The following IKBKB variants were observed in gnomAD, a reference collection of about 807,000 sequenced individuals.
The protein encoded by IKBKB is inhibitor of nuclear factor kappa B kinase subunit beta, also known as inhibitor of nuclear factor kappa-B kinase subunit beta.
Under a neutral mutation model 113.6 loss-of-function variants are expected in IKBKB, and 42 were observed. The ratio of observed to expected loss-of-function variants is 0.37; its 90% CI spans 0.29 to 0.48. The LOEUF (loss-of-function observed/expected upper bound fraction) is 0.48, where lower values mean the gene tolerates loss of function less well. Among genes scored for constraint, IKBKB ranks in the 20% least tolerant of loss-of-function variants. IKBKB has a pLI of 0.99. For missense variants in IKBKB, 673 were observed against 939.7 expected (o/e 0.72, Z 3.71); for synonymous variants, 296 against 361.3 (o/e 0.82, Z 2.05).
intron 16 of IKBKB, 58 bp from the exon 17 acceptor site, chr8:42,321,838 T>C: frequency 7.7e-7 from 1 of 1,301,894 alleles, no homozygotes; most frequent in Non-Finnish European, 1.1e-6. Context: ...ACCAAAAAAA[T>C]GTAAAAATTA....
At chr8:42,295,837 ATTC>A (rs2130389561) in intron 5 of IKBKB, among the ~76,000 whole-genome samples, 1 of 152,244 alleles carries the variant, frequency 6.6e-6, no homozygotes, top group African/African-American at 2.4e-5. Context: ...CTGGTTACGT[ATTC>A]TTTTGGTCTG....
intron 5 of IKBKB, among the ~76,000 whole-genome samples, chr8:42,296,614 A>G (rs903220388): frequency 6.6e-6 from 1 of 151,696 alleles, no homozygotes; most frequent in African/African-American, 2.4e-5. Flanking sequence ...GCACCATTGC[A>G]CTCCAGCCTG....
chr8:42,282,407 A>G (rs894744504), intron 2 of IKBKB, among the ~76,000 whole-genome samples: 8 of 152,320 alleles, frequency 5.3e-5, no homozygotes, highest in South Asian at 2.1e-4. Context: ...GAGTCTTGCC[A>G]TATTGCCCAG....
intron 15 of IKBKB, 143 bp downstream of exon 15, chr8:42,319,789 C>A: frequency 1.4e-6 from 1 of 712,926 alleles, no homozygotes; most frequent in Non-Finnish European, 2.3e-6. Flanking sequence ...ACTGGACCAG[C>A]TGAAAAGAGG....
In IKBKB at chr8:42,316,211, G is replaced by T; in HGVS notation, c.802G>T (p.Val268Phe). The change falls in exon 10 of 22, where the codon GTC becomes TTC. Residue 268 changes from valine (V) to phenylalanine (F), a missense_variant and splice_region_variant. Transcript: ENST00000520810. This position sits in a 1 kb window ranked among gnomAD's most constrained non-coding sequence, Gnocchi z 4.5. ...CACACACTATGCTCCTCTCCACAGTGTCCTGGCTGAGCGACTGGAGAAGTG... is the reference window on the plus strand; with the variant it reads ...CACACACTATGCTCCTCTCCACAGTTTCCTGGCTGAGCGACTGGAGAAGTG... Reference protein sequence around the residue: ...SLPYPNNLNSVLAERLEKWLQ... With the variant: ...SLPYPNNLNSFLAERLEKWLQ... 1 of 1,614,058 alleles carries T rather than the reference G, an allele frequency of 6.2e-7. No homozygotes were observed. Among genetic ancestry groups the T allele is most frequent in the Non-Finnish European group, 8.5e-7 (1 of 1,179,982 alleles).
intron 6 of IKBKB, among the ~76,000 whole-genome samples, chr8:42,305,772 C>T (rs1194088527): frequency 1.3e-5 from 2 of 152,192 alleles, no homozygotes; most frequent in Middle Eastern, 3.2e-3. Context: ...GTTGACTGCC[C>T]CACAAGCTTG....
At chr8:42,284,368 G>A (rs1163455725) in intron 2 of IKBKB, among the ~76,000 whole-genome samples, 2 of 152,084 alleles carry the variant, frequency 1.3e-5, no homozygotes, top group Non-Finnish European at 2.9e-5. Context: ...GGATCACGAG[G>A]TCAGGAGATG....
At chr8:42,325,634 G>T in intron 19 of IKBKB, 1 of 1,032,426 alleles carries the variant, frequency 9.7e-7, no homozygotes. Flanking sequence ...AGCCAAGATC[G>T]CACATCGCAC....
At chr8:42,308,020 C>A (rs796743694) in intron 7 of IKBKB, among the ~76,000 whole-genome samples, 10 of 152,338 alleles carry the variant, frequency 6.6e-5, no homozygotes, top group African/African-American at 2.4e-4. Flanking sequence ...GTCACCCCAG[C>A]GCTCTCTGCC....
chr8:42,315,259 T>C (rs1319373382), intron 9 of IKBKB, among the ~76,000 whole-genome samples: 1 of 152,154 alleles, frequency 6.6e-6, no homozygotes, highest in Non-Finnish European at 1.5e-5. Flanking sequence ...CATAATTGAG[T>C]GACATGGATA....
At chr8:42,325,852 G>T in intron 19 of IKBKB, 118 bp from the exon 20 acceptor site, 1 of 1,533,276 alleles carries the variant, frequency 6.5e-7, no homozygotes, top group East Asian at 2.3e-5. Context: ...CTGGTAGGCT[G>T]TAGGGTTAGC....
At chr8:42,312,295 G>GCTTTT (rs1817865054) in intron 8 of IKBKB, among the ~76,000 whole-genome samples, 1 of 152,208 alleles carries the variant, frequency 6.6e-6, no homozygotes, top group African/African-American at 2.4e-5. Context: ...AAGAACAGGT[G>GCTTTT]CTTTTTGAAA....
intron 8 of IKBKB, chr8:42,309,520 C>T (rs539292902): frequency 5.5e-5 from 22 of 401,940 alleles, no homozygotes; most frequent in Non-Finnish European, 8.4e-5. Flanking sequence ...TTTGGGAGGC[C>T]GAGGCAGGTG....
rs1818641557 is a variant in IKBKB at position 42,316,156 on chromosome 8, G to A, written c.801-54G>A. On this transcript the variant is annotated intron_variant, in intron 9 of 21. Transcript: ENST00000520810. This position sits in a 1 kb window ranked among gnomAD's most constrained non-coding sequence, Gnocchi z 4.5. ...GTGTGTATACTGGGAGACGCACACT[G>A]TAGCCCAACATTGGCTGGAAGTGTC... 1 of 1,603,072 alleles carries A rather than the reference G, an allele frequency of 6.2e-7. No individual in the cohort carries two copies. Among genetic ancestry groups the A allele is most frequent in the Non-Finnish European group, 8.5e-7 (1 of 1,173,660 alleles).
At position 42,322,310 on chromosome 8, in the gene IKBKB, C is replaced by T. The variant is rs565734804; in HGVS notation, c.1839-37C>T. 6.2e-6 allele frequency: 10 copies of T among 1,613,314 alleles called. No homozygotes were observed. In the South Asian group the frequency reaches 1.1e-4, roughly 18 times the overall value. ...TGCCACAGGTTCTGCTTTCTCCAGC[C>T]CAAATGCCATTAGTTTGCCATGTTT... On this transcript the variant is annotated intron_variant, in intron 18 of 21. Coordinates refer to ENST00000520810, the MANE Select transcript of IKBKB (RefSeq NM_001556.3).
Position 42,321,658 on chromosome 8 carries a change from A to T in IKBKB, c.1689-238A>T, listed in dbSNP as rs1203832044. On this transcript the variant is annotated intron_variant, in intron 16 of 21. Transcript: ENST00000520810. ...CATCTCAGCCTCCCAAGTAACCGGG[A>T]CTACAGGCGCATGCCACCATGCTCA... 14 of 454,466 alleles carry T rather than the reference A, an allele frequency of 3.1e-5. No homozygotes were observed. In the East Asian group the frequency reaches 4.8e-4, roughly 16 times the overall value. The allele number at this position is 454,466 out of a possible 1,614,324, so 28.2% of individuals were successfully genotyped here.
chr8:42,289,775 A>AT (rs1305084664), intron 3 of IKBKB, among the ~76,000 whole-genome samples: 38 of 152,192 alleles, frequency 2.5e-4, no homozygotes, highest in Non-Finnish European at 5.9e-5. Flanking sequence ...AAGAAAAAAA[A>AT]TATGAAAACA....
chr8:42,276,186 C>T lies in IKBKB; in HGVS notation c.105+3981C>T, dbSNP rs561239764. ...ACCTCCATACTATTTTCCATAATGG[C>T]TGTGCTAATTTACATTCCCACCAAT... On this transcript the variant is annotated intron_variant, in intron 2 of 21. Coordinates refer to ENST00000520810, the MANE Select transcript of IKBKB (RefSeq NM_001556.3). 1.9e-3 allele frequency among the ~76,000 whole-genome samples: 297 copies of T among 152,332 alleles called. 3 individuals carry two copies. In the Middle Eastern group the frequency reaches 0.024, roughly 12 times the overall value.
At chr8:42,310,010 C>A (rs1817402729) in intron 8 of IKBKB, among the ~76,000 whole-genome samples, 1 of 152,148 alleles carries the variant, frequency 6.6e-6, no homozygotes, top group South Asian at 2.1e-4. Flanking sequence ...ATGTAGCCAT[C>A]CCACAATGTG....
Sources: allele counts gnomAD v4.1 joint callset (sites outside exome capture counted in the v4.1 genomes callset), GRCh38; gene constraint gnomAD v4.1.1; non-coding constraint Gnocchi (gnomAD v3.1); transcripts MANE v1.5; gene names NCBI Gene and HGNC (gene_info 2026-07-23, HGNC 2026-07-21).